The following RELCH variants were observed in gnomAD, a reference collection of about 807,000 sequenced individuals.
The protein encoded by RELCH is RAB11 binding and LisH domain, coiled-coil and HEAT repeat containing.
In RELCH, 41 loss-of-function variants were observed where a neutral mutation model predicts 150.3. That is an observed-to-expected ratio of 0.27 (90% CI 0.21 to 0.35). The LOEUF is 0.35. Among genes scored for constraint, RELCH ranks in the 10% least tolerant of loss-of-function variants. RELCH has a pLI of 1.00. For synonymous variants in RELCH, 478 were observed against 531.8 expected, an observed-to-expected ratio of 0.90 and a Z score of 1.39; for missense variants, 1,092 against 1,467.8, an observed-to-expected ratio of 0.74 and a Z score of 4.18.
At chr18:62,301,921 T>C (rs973047266) in intron 28 of RELCH, among the ~76,000 whole-genome samples, 1 of 152,222 alleles carries the variant, frequency 6.6e-6, no homozygotes. Flanking sequence ...GTAGATACTT[T>C]TACTATTCTC....
chr18:62,201,743 C>A (rs1480639052), intron 1 of RELCH, among the ~76,000 whole-genome samples: 1 of 152,032 alleles, frequency 6.6e-6, no homozygotes, highest in Admixed American at 6.6e-5. Context: ...ATATCCATGT[C>A]CTTTAAAAAA....
In RELCH at chr18:62,305,713, G is replaced by A; in HGVS notation, c.*179G>A. On this transcript the variant is annotated 3_prime_UTR_variant, in exon 29 of 29. Transcript: ENST00000644646. The surrounding 1 kb of genome is among the most constrained non-coding windows in gnomAD (Gnocchi z 4.0). ...TACTGCTGTATATTTGTTGATTTTG[G>A]AGTTACAACTGTGGTGATAGAAAAT... 1 of 512,860 alleles carries A rather than the reference G, an allele frequency of 1.9e-6. No homozygotes were observed. 31.8% of individuals were successfully genotyped at this position (512,860 alleles called of 1,614,324 possible).
intron 2 of RELCH, among the ~76,000 whole-genome samples, chr18:62,212,601 G>A (rs1247780713): frequency 6.6e-6 from 1 of 152,082 alleles, no homozygotes; most frequent in Non-Finnish European, 1.5e-5. Flanking sequence ...TATAACATTT[G>A]TTCCATTCTA....
At chr18:62,275,097 A>G (rs2044122473) in intron 21 of RELCH, among the ~76,000 whole-genome samples, 1 of 152,094 alleles carries the variant, frequency 6.6e-6, no homozygotes, top group South Asian at 2.1e-4. Flanking sequence ...TTGTGTTTTT[A>G]GTAGAGACAG....
chr18:62,305,092 A>G lies in RELCH; in HGVS notation c.3531-322A>G, dbSNP rs2045830554. Among the ~76,000 whole-genome samples the G allele has an allele frequency of 6.6e-6, 1 of 152,228 alleles. No homozygotes were observed. The highest frequency in any genetic ancestry group is 1.5e-5 in the Non-Finnish European group (1 of 68,042). On this transcript the variant is annotated intron_variant, in intron 28 of 28. Coordinates refer to ENST00000644646, the MANE Select transcript of RELCH (RefSeq NM_001346231.2). The surrounding 1 kb of genome is among the most constrained non-coding windows in gnomAD (Gnocchi z 4.0). ...TTTACAGTTGTGTTAATATAATCCT[A>G]ATAACCCTAGGAGGCAAATACTAGA...
At position 62,305,479 on chromosome 18, in the gene RELCH, G is replaced by T; in HGVS notation, c.3596G>T (p.Gly1199Val). The T allele has an allele frequency of 6.2e-7, 1 of 1,611,832 alleles. No individual in the cohort carries two copies. The highest frequency in any genetic ancestry group is 8.5e-7 in the Non-Finnish European group (1 of 1,178,730). ...DTKTKFLNKM[G>V]QLTTSGAMLA... ...AAGACCAAGTTTTTGAACAAAATGG[G>T]CCAGTTGACAACATCAGGTGCCATG... Residue 1199 changes from glycine to valine, a missense_variant, in exon 29 of 29, where the codon GGC (glycine) becomes GTC (valine). Transcript: ENST00000644646. This position sits in a 1 kb window ranked among gnomAD's most constrained non-coding sequence, Gnocchi z 4.0.
chr18:62,280,765 A>C, intron 24 of RELCH, 56 bp downstream of exon 24: 1 of 1,174,840 alleles, frequency 8.5e-7, no homozygotes, highest in Middle Eastern at 1.9e-4. Flanking sequence ...GTCATGATAC[A>C]TGTATCTGGT....
chr18:62,195,365 G>C (rs928157152), intron 1 of RELCH, among the ~76,000 whole-genome samples: 1 of 151,074 alleles, frequency 6.6e-6, no homozygotes, highest in Non-Finnish European at 1.5e-5. Context: ...TCAGTACTTT[G>C]TTTTCTAGTT....
chr18:62,212,902 A>G (rs1475589265), intron 2 of RELCH, among the ~76,000 whole-genome samples: 1 of 152,226 alleles, frequency 6.6e-6, no homozygotes, highest in Non-Finnish European at 1.5e-5. Flanking sequence ...TATATGAGTT[A>G]GAAAAAAAAT....
At chr18:62,287,578 G>A (rs12969851) in intron 26 of RELCH, 111 bp downstream of exon 26, 33,075 of 689,622 alleles carry the variant, frequency 0.048, 1,057 homozygotes, top group East Asian at 0.13. Context: ...TACATTAAGC[G>A]TTGTAGAAAA....
chr18:62,231,197 A>G lies in RELCH; in HGVS notation c.1452A>G (p.Lys484=), dbSNP rs1303308182. The G allele has an allele frequency of 4.4e-6, 7 of 1,586,122 alleles. No individual in the cohort carries two copies. The highest frequency in any genetic ancestry group is 1.7e-5 in the Admixed American group (1 of 58,684). Residue 484 remains lysine, a synonymous_variant, in exon 9 of 29, where the codon AAA becomes AAG. Coordinates refer to ENST00000644646, the MANE Select transcript of RELCH (RefSeq NM_001346231.2). ...KTVHFDKPNR[K]LSPAFHQALL... ...TTTTTCATACATTTTCTTCTAGGAA[A>G]TTGTCTCCTGCATTCCATCAAGCAC...
At chr18:62,242,809 A>G (rs2042216886) in intron 10 of RELCH, among the ~76,000 whole-genome samples, 1 of 152,044 alleles carries the variant, frequency 6.6e-6, no homozygotes, top group Admixed American at 6.6e-5. Context: ...TTTTGAGATA[A>G]AGAAGTTAAA....
intron 1 of RELCH, among the ~76,000 whole-genome samples, chr18:62,202,349 G>C (rs1054451978): frequency 6.6e-6 from 1 of 152,128 alleles, no homozygotes; most frequent in Non-Finnish European, 1.5e-5. Flanking sequence ...AATATAACCT[G>C]TTACTAGTCT....
At chr18:62,282,503 T>C in intron 25 of RELCH, 59 bp downstream of exon 25, 2 of 1,520,568 alleles carry the variant, frequency 1.3e-6, no homozygotes, top group Non-Finnish European at 1.8e-6. Context: ...AGCTAGACAC[T>C]CCTCTGAGGC....
At chr18:62,222,312 G>A (rs1214592613) in intron 5 of RELCH, among the ~76,000 whole-genome samples, 1 of 151,872 alleles carries the variant, frequency 6.6e-6, no homozygotes, top group Non-Finnish European at 1.5e-5. Flanking sequence ...CAATGGTAGT[G>A]TCACTGAACA....
intron 1 of RELCH, among the ~76,000 whole-genome samples, chr18:62,202,148 C>T (rs1452800552): frequency 6.6e-6 from 1 of 152,256 alleles, no homozygotes; most frequent in East Asian, 1.9e-4. Context: ...ACACAATAGG[C>T]ATCCTGGTAT....
chr18:62,258,479 A>G, intron 14 of RELCH, 33 bp from the exon 15 acceptor site: 1 of 1,567,952 alleles, frequency 6.4e-7, no homozygotes, highest in Non-Finnish European at 8.6e-7. Context: ...TTATCCCTTT[A>G]AAAATCTACA....
Position 62,305,280 on chromosome 18 carries a change from C to A in RELCH, c.3531-134C>A. 2.9e-6 allele frequency: 2 copies of A among 682,790 alleles called. No homozygotes were observed. Among genetic ancestry groups the A allele is most frequent in the Non-Finnish European group, 4.6e-6 (2 of 432,716 alleles). 42.3% of individuals were successfully genotyped at this position (682,790 alleles called of 1,614,324 possible). ...CCTAACCTAGTATGGCATATACAAA[C>A]TACCCTCCATAAATATTAGTTTCCC... On this transcript the variant is annotated intron_variant, in intron 28 of 28. Coordinates refer to ENST00000644646, the MANE Select transcript of RELCH (RefSeq NM_001346231.2). The surrounding 1 kb of genome is among the most constrained non-coding windows in gnomAD (Gnocchi z 4.0).
At chr18:62,227,182 G>T in intron 5 of RELCH, 107 bp from the exon 6 acceptor site, 1 of 751,776 alleles carries the variant, frequency 1.3e-6, no homozygotes. Flanking sequence ...GCATGACACA[G>T]CAAAACCGAT....
Sources: gnomAD v4.1 joint callset for allele counts (sites outside exome capture counted in the v4.1 genomes callset) on GRCh38, gnomAD v4.1.1 for gene constraint, Gnocchi (gnomAD v3.1) non-coding constraint, MANE v1.5 for transcripts, NCBI Gene and HGNC (gene_info 2026-07-23, HGNC 2026-07-21) for gene names.